The following DPF3 variants were observed in gnomAD, a reference collection of about 807,000 sequenced individuals.
DPF3 encodes double PHD fingers 3.
A neutral mutation model predicts 56.8 loss-of-function variants in DPF3; 18 were observed. The ratio of observed to expected loss-of-function variants is 0.32; its 90% CI spans 0.22 to 0.47. The LOEUF (loss-of-function observed/expected upper bound fraction) is 0.47. Ranked by LOEUF, DPF3 falls within the 20% of genes least tolerant of loss-of-function variation. The pLI is 1.00. For missense variants in DPF3, 403 were observed against 488.8 expected, an observed-to-expected ratio of 0.82 and a Z score of 1.65; for synonymous variants, 188 against 180.2, an observed-to-expected ratio of 1.04 and a Z score of -0.35.
chr14:72,819,994 A>G (rs1178903533), intron 1 of DPF3, among the ~76,000 whole-genome samples: 7 of 152,214 alleles, frequency 4.6e-5, no homozygotes, highest in African/African-American at 1.7e-4. Flanking sequence ...TCTTAGAATC[A>G]GCAAAATTAA....
At chr14:72,627,470 G>C (rs1222553509) in intron 9 of DPF3, among the ~76,000 whole-genome samples, 1 of 151,956 alleles carries the variant, frequency 6.6e-6, no homozygotes. Context: ...TATGTAGTTG[G>C]ATCTATTTAT....
intron 1 of DPF3, among the ~76,000 whole-genome samples, chr14:72,814,801 C>T (rs1234061405): frequency 6.6e-6 from 1 of 150,770 alleles, no homozygotes; most frequent in African/African-American, 2.4e-5. Context: ...CAGAGCGAGA[C>T]TCCGTCTCCA....
intron 2 of DPF3, among the ~76,000 whole-genome samples, chr14:72,758,417 G>T (rs1599415794): frequency 6.6e-6 from 1 of 152,170 alleles, no homozygotes; most frequent in Non-Finnish European, 1.5e-5. Flanking sequence ...CCCCACGTTT[G>T]AGTTGAAGAG....
intron 8 of DPF3, among the ~76,000 whole-genome samples, chr14:72,655,321 G>A (rs893663366): frequency 4.6e-5 from 7 of 152,016 alleles, no homozygotes; most frequent in South Asian, 2.1e-4. Context: ...AATTAAATTC[G>A]TCTTCTAATA....
chr14:72,714,211 G>C (rs1334273324), intron 6 of DPF3, among the ~76,000 whole-genome samples: 2 of 152,230 alleles, frequency 1.3e-5, no homozygotes, highest in African/African-American at 4.8e-5. Flanking sequence ...ACCCCAGCTG[G>C]CTTCCCCTCT....
intron 2 of DPF3, among the ~76,000 whole-genome samples, chr14:72,756,886 A>T (rs1890836530): frequency 8.0e-6 from 1 of 124,996 alleles, no homozygotes; most frequent in Non-Finnish European, 1.6e-5. Flanking sequence ...GGAAAGAAGG[A>T]AAGAAAGAAA....
rs897561565 is a variant in DPF3, at chr14:72,888,277, C to T, written c.32+5780G>A. Among the ~76,000 whole-genome samples the T allele has an allele frequency of 4.6e-5, 7 of 152,136 alleles. No homozygotes were observed. The East Asian group carries it at 1.3e-3, about 29-fold the overall frequency. On this transcript the variant is annotated intron_variant, in intron 1 of 10. Coordinates refer to ENST00000556509, the MANE Select transcript of DPF3 (RefSeq NM_001280542.3). ...TTCACAAACACACAGCCTAGAAATT[C>T]TCCAGTCTGCTCCTCTTCCCTCTGC...
At chr14:72,621,335 G>GC (rs1884430378) in intron 9 of DPF3, among the ~76,000 whole-genome samples, 1 of 151,972 alleles carries the variant, frequency 6.6e-6, no homozygotes, top group African/African-American at 2.4e-5. Flanking sequence ...TTTGTGATCT[G>GC]GCCCCACCCC....
At chr14:72,732,275 C>T (rs1889689396) in intron 3 of DPF3, among the ~76,000 whole-genome samples, 1 of 152,188 alleles carries the variant, frequency 6.6e-6, no homozygotes, top group South Asian at 2.1e-4. Flanking sequence ...ATTGCATCCA[C>T]AAAGCAGGGG....
intron 8 of DPF3, among the ~76,000 whole-genome samples, chr14:72,654,290 A>G (rs1886005823): frequency 1.3e-5 from 2 of 151,596 alleles, no homozygotes; most frequent in Non-Finnish European, 2.9e-5. Context: ...TTGCTCAGGT[A>G]TTTCCCACTC....
intron 8 of DPF3, among the ~76,000 whole-genome samples, chr14:72,646,298 C>A (rs922913404): frequency 1.3e-5 from 2 of 152,238 alleles, no homozygotes; most frequent in Non-Finnish European, 2.9e-5. Flanking sequence ...TACCCTCTAA[C>A]GCAGATAAGG....
chr14:72,655,382 T>C (rs1886034136), intron 8 of DPF3, among the ~76,000 whole-genome samples: 1 of 152,138 alleles, frequency 6.6e-6, no homozygotes, highest in Admixed American at 6.5e-5. Context: ...CCATGAATAT[T>C]AGTGAGGTCA....
chr14:72,670,112 A>T, intron 8 of DPF3: 1 of 985,902 alleles, frequency 1.0e-6, no homozygotes. Context: ...TATAAAAAAA[A>T]ATAGAAGAAA....
At chr14:72,813,886 C>T (rs756950502) in intron 1 of DPF3, among the ~76,000 whole-genome samples, 4 of 152,152 alleles carry the variant, frequency 2.6e-5, no homozygotes, top group Non-Finnish European at 4.4e-5. Context: ...CAGGGCCCTC[C>T]GGCACCATAA....
intron 8 of DPF3, among the ~76,000 whole-genome samples, chr14:72,642,613 G>C (rs927117862): frequency 5.3e-5 from 8 of 152,174 alleles, no homozygotes; most frequent in African/African-American, 1.9e-4. Flanking sequence ...TCGGTTTCCT[G>C]GGTCCAACTT....
intron 1 of DPF3, among the ~76,000 whole-genome samples, chr14:72,795,292 AAAAAT>A (rs1347512632): frequency 1.6e-3 from 164 of 99,532 alleles, no homozygotes; most frequent in African/African-American, 3.7e-3. Flanking sequence ...AAAAAAAAAA[AAAAAT>A]ATATATATAT....
At chr14:72,672,231 T>C (rs980247294) in intron 8 of DPF3, among the ~76,000 whole-genome samples, 1 of 152,148 alleles carries the variant, frequency 6.6e-6, no homozygotes, top group Non-Finnish European at 1.5e-5. Context: ...AGGTTTAAAC[T>C]TTTTTGCATT....
chr14:72,622,679 C>T (rs1016320946), intron 9 of DPF3, among the ~76,000 whole-genome samples: 7 of 152,008 alleles, frequency 4.6e-5, no homozygotes, highest in African/African-American at 1.7e-4. Flanking sequence ...CAAGAGCCCC[C>T]AGCTTATGCT....
intron 8 of DPF3, among the ~76,000 whole-genome samples, chr14:72,666,978 C>T (rs1886468791): frequency 6.6e-6 from 1 of 152,118 alleles, no homozygotes; most frequent in Non-Finnish European, 1.5e-5. Context: ...GGTGAGAACC[C>T]CCAAACACCC....
Sources: allele counts gnomAD v4.1 joint callset (sites outside exome capture counted in the v4.1 genomes callset), GRCh38; gene constraint gnomAD v4.1.1; transcripts MANE v1.5; gene names NCBI Gene and HGNC (gene_info 2026-07-23, HGNC 2026-07-21).